Variants in ZNF804B observed in about 807,000 individuals in gnomAD.
The protein encoded by ZNF804B is zinc finger 804B.
A neutral mutation model predicts 101.4 loss-of-function variants in ZNF804B; 80 were observed. The observed-to-expected ratio is 0.79, with a 90% confidence interval of 0.66 to 0.95. The LOEUF is 0.95. Among genes scored for constraint, ZNF804B ranks in the 40% least tolerant of loss-of-function variants. ZNF804B has a pLI of 0.00. For missense variants in ZNF804B, 1,673 were observed against 1,561.9 expected (o/e 1.07, Z -1.20); for synonymous variants, 622 against 558.8 (o/e 1.11, Z -1.59).
chr7:88,779,906 T>TAACGCATAG (rs1790197118), intron 1 of ZNF804B, among the ~76,000 whole-genome samples: 1 of 152,208 alleles, frequency 6.6e-6, no homozygotes, highest in Admixed American at 6.5e-5. Flanking sequence ...CCTAAGGTGC[T>TAACGCATAG]ACAGGGTCTA....
At chr7:88,764,417 G>C (rs924394693) in intron 1 of ZNF804B, among the ~76,000 whole-genome samples, 2 of 152,114 alleles carry the variant, frequency 1.3e-5, no homozygotes, top group African/African-American at 4.8e-5. Context: ...TGTCATCAAA[G>C]TGAAAAATCA....
At chr7:89,220,255 A>G (rs1025340928) in intron 2 of ZNF804B, among the ~76,000 whole-genome samples, 2 of 150,890 alleles carry the variant, frequency 1.3e-5, no homozygotes, top group African/African-American at 4.9e-5. Flanking sequence ...ATATATGTAT[A>G]TAGTTGGCTT....
chr7:89,038,822 GT>G (rs1246928358), intron 1 of ZNF804B, among the ~76,000 whole-genome samples: 1 of 151,900 alleles, frequency 6.6e-6, no homozygotes, highest in Non-Finnish European at 1.5e-5. Context: ...TCCTTTTTCA[GT>G]TGATTTTTGT....
At chr7:88,794,124 T>C (rs1000098216) in intron 1 of ZNF804B, 28 of 1,422,656 alleles carry the variant, frequency 2.0e-5, no homozygotes, top group Non-Finnish European at 2.4e-5. Flanking sequence ...AAAATGTTTT[T>C]TTTATTTAAG....
chr7:88,989,916 T>A (rs1478434258), intron 1 of ZNF804B, among the ~76,000 whole-genome samples: 1 of 152,014 alleles, frequency 6.6e-6, no homozygotes, highest in Non-Finnish European at 1.5e-5. Flanking sequence ...TCTATCTATT[T>A]ATCTACACAC....
intron 2 of ZNF804B, among the ~76,000 whole-genome samples, chr7:89,273,905 T>C (rs1299821591): frequency 6.8e-6 from 1 of 146,128 alleles, no homozygotes; most frequent in Non-Finnish European, 1.5e-5. Context: ...TCAATAATGT[T>C]ACACATTAAT....
chr7:89,258,246 A>G (rs1789663969), intron 2 of ZNF804B, among the ~76,000 whole-genome samples: 1 of 152,126 alleles, frequency 6.6e-6, no homozygotes, highest in Admixed American at 6.6e-5. Context: ...AATTTAAGTA[A>G]GGAACTTGAG....
At chr7:88,931,109 T>C (rs1371379284) in intron 1 of ZNF804B, among the ~76,000 whole-genome samples, 7 of 152,026 alleles carry the variant, frequency 4.6e-5, no homozygotes, top group South Asian at 4.1e-4. Context: ...GTCAGTTTCA[T>C]TGACGTTCTT....
In ZNF804B at chr7:89,335,563, A is replaced by G; in HGVS notation, c.2581A>G (p.Lys861Glu). 6.2e-7 allele frequency: 1 copy of G among 1,613,946 alleles called. No individual in the cohort carries two copies. The highest frequency in any genetic ancestry group is 8.5e-7 in the Non-Finnish European group (1 of 1,179,946). Residue 861 changes from lysine to glutamate, a missense_variant, in exon 4 of 4, where the codon AAA becomes GAA. Transcript: ENST00000333190. ...CAGATTGGACTCTTACTCAATAGAG[A>G]AAATGTATTACTTGAATAAAAGCAA... ...HDRLDSYSIEKMYYLNKSKRN... is the reference protein window; with the variant it reads ...HDRLDSYSIEEMYYLNKSKRN...
At chr7:88,785,718 A>G (rs1790291942) in intron 1 of ZNF804B, among the ~76,000 whole-genome samples, 1 of 152,082 alleles carries the variant, frequency 6.6e-6, no homozygotes, top group Non-Finnish European at 1.5e-5. Context: ...CCAACACAGT[A>G]TGCTTCTTCT....
rs1400648961 is a variant in ZNF804B, at chr7:88,870,089, G to A, written c.108+110005G>A. The stretch of plus-strand genomic sequence containing the variant: ...GGGATGCTGCCAACTGTCACCATTA[G>A]AAAGGTGGGTGATTGGGCCGGGCGC... On this transcript the variant is annotated intron_variant, in intron 1 of 3. Transcript: ENST00000333190. 2.6e-5 allele frequency among the ~76,000 whole-genome samples: 4 copies of A among 152,126 alleles called. No homozygotes were observed. The East Asian group carries it at 7.7e-4, about 29-fold the overall frequency.
At chr7:89,060,061 A>T (rs375802358) in intron 1 of ZNF804B, among the ~76,000 whole-genome samples, 3 of 152,224 alleles carry the variant, frequency 2.0e-5, no homozygotes, top group African/African-American at 7.2e-5. Context: ...GAGCCCTCTG[A>T]CTGAGAGTTA....
chr7:88,991,396 G>T (rs977872939), intron 1 of ZNF804B, among the ~76,000 whole-genome samples: 1 of 152,110 alleles, frequency 6.6e-6, no homozygotes. Flanking sequence ...GAGATCCTCC[G>T]GGAGGTTCCT....
intron 1 of ZNF804B, among the ~76,000 whole-genome samples, chr7:88,831,025 A>G (rs533296611): frequency 5.0e-4 from 76 of 152,056 alleles, no homozygotes; most frequent in Non-Finnish European, 7.5e-4. Context: ...TTTAGATTAA[A>G]AAATTTTTTT....
rs992676964 is a variant in ZNF804B at position 89,265,264 on chromosome 7, C to T, written c.249+46969C>T. On this transcript the variant is annotated intron_variant, in intron 2 of 3. Coordinates refer to ENST00000333190, the MANE Select transcript of ZNF804B (RefSeq NM_181646.5). ...AGATTATAAAGTTCACAGGTTAAGT[C>T]AGTGTGTGTGTGTGTGTGTGTGTGT... Among the ~76,000 whole-genome samples, 4 of 102,216 alleles carry T rather than the reference C, an allele frequency of 3.9e-5. No individual in the cohort carries two copies. In the East Asian group the frequency reaches 1.4e-3, roughly 37 times the overall value. 67.1% of individuals were successfully genotyped at this position (102,216 alleles called of 152,430 possible).
At chr7:89,056,912 A>C (rs1043574392) in intron 1 of ZNF804B, among the ~76,000 whole-genome samples, 3 of 152,092 alleles carry the variant, frequency 2.0e-5, no homozygotes, top group Non-Finnish European at 4.4e-5. Flanking sequence ...TCTATCTTCC[A>C]GGGGAATTTG....
At chr7:89,274,564 A>C (rs1370064478) in intron 2 of ZNF804B, among the ~76,000 whole-genome samples, 1 of 151,382 alleles carries the variant, frequency 6.6e-6, no homozygotes, top group Non-Finnish European at 1.5e-5. Flanking sequence ...CTTCATTCTT[A>C]ACTGGTGACA....
intron 1 of ZNF804B, among the ~76,000 whole-genome samples, chr7:89,163,915 T>C (rs1461346814): frequency 4.6e-5 from 7 of 151,874 alleles, no homozygotes; most frequent in Non-Finnish European, 1.0e-4. Context: ...TTCTTCTTCC[T>C]CTCCTCCCTC....
intron 1 of ZNF804B, among the ~76,000 whole-genome samples, chr7:89,089,458 T>C (rs1159961362): frequency 6.6e-6 from 1 of 152,058 alleles, no homozygotes; most frequent in East Asian, 1.9e-4. Context: ...GCAAATGTTG[T>C]CTTAACAATT....
Sources: gnomAD v4.1 joint callset for allele counts (sites outside exome capture counted in the v4.1 genomes callset) on GRCh38, gnomAD v4.1.1 for gene constraint, MANE v1.5 for transcripts, NCBI Gene and HGNC (gene_info 2026-07-23, HGNC 2026-07-21) for gene names.